The following ROBO1 variants were observed in gnomAD, a reference collection of about 807,000 sequenced individuals.
ROBO1 encodes roundabout guidance receptor 1.
A neutral mutation model predicts 195.9 loss-of-function variants in ROBO1; 149 were observed. That is an observed-to-expected ratio of 0.76 (90% CI 0.67 to 0.87). The LOEUF (loss-of-function observed/expected upper bound fraction) is 0.87, where lower values mean the gene tolerates loss of function less well. Among genes scored for constraint, ROBO1 ranks in the 40% least tolerant of loss-of-function variants. The probability of loss-of-function intolerance (pLI) is 0.00; values close to 1 mark genes in which losing one functional copy is unlikely to be tolerated. For missense variants in ROBO1, 1,933 were observed against 2,068.3 expected (o/e 0.93, Z 1.27); for synonymous variants, 816 against 733.2 (o/e 1.11, Z -1.82).
intron 2 of ROBO1, among the ~76,000 whole-genome samples, chr3:79,175,445 C>A (rs925095246): frequency 4.6e-5 from 7 of 152,138 alleles, no homozygotes; most frequent in Non-Finnish European, 1.5e-5. Flanking sequence ...TCTGCCTGGC[C>A]CCACCCTGCA....
intron 4 of ROBO1, among the ~76,000 whole-genome samples, chr3:78,751,736 G>T (rs1191738803): frequency 5.3e-5 from 8 of 152,034 alleles, no homozygotes; most frequent in Admixed American, 5.2e-4. Context: ...TACATTTTCA[G>T]AATAATATTG....
intron 3 of ROBO1, among the ~76,000 whole-genome samples, chr3:79,076,857 A>G (rs1559641949): frequency 6.6e-6 from 1 of 151,870 alleles, no homozygotes; most frequent in East Asian, 1.9e-4. Flanking sequence ...CAAGTTTTGT[A>G]TAGAGTGTTT....
chr3:79,398,212 C>T (rs888477260), intron 2 of ROBO1, among the ~76,000 whole-genome samples: 1 of 151,856 alleles, frequency 6.6e-6, no homozygotes, highest in Non-Finnish European at 1.5e-5. Context: ...CTTTGTTACC[C>T]TCAAAATAAA....
At chr3:79,329,608 T>C (rs2034349491) in intron 2 of ROBO1, among the ~76,000 whole-genome samples, 1 of 152,216 alleles carries the variant, frequency 6.6e-6, no homozygotes, top group Non-Finnish European at 1.5e-5. Context: ...CTTTGAAAAT[T>C]GTAAAGCACT....
intron 1 of ROBO1, among the ~76,000 whole-genome samples, chr3:79,732,017 C>T (rs1243783612): frequency 6.6e-6 from 1 of 151,914 alleles, no homozygotes; most frequent in Non-Finnish European, 1.5e-5. Flanking sequence ...CATGAATTTC[C>T]ACAAACCTAG....
At chr3:79,520,499 G>C (rs979392899) in intron 2 of ROBO1, among the ~76,000 whole-genome samples, 1 of 152,114 alleles carries the variant, frequency 6.6e-6, no homozygotes, top group Non-Finnish European at 1.5e-5. Context: ...ATCCAGATTT[G>C]TTCCTTCAGC....
intron 4 of ROBO1, among the ~76,000 whole-genome samples, chr3:78,814,296 AAATT>A (rs1382332403): frequency 6.6e-6 from 1 of 152,100 alleles, no homozygotes; most frequent in Non-Finnish European, 1.5e-5. Context: ...TAAAAAGTTG[AAATT>A]AATTTTATAT....
At chr3:79,701,884 C>A (rs1175056944) in intron 1 of ROBO1, among the ~76,000 whole-genome samples, 1 of 151,624 alleles carries the variant, frequency 6.6e-6, no homozygotes, top group East Asian at 1.9e-4. Context: ...TTAAGTTCAT[C>A]TTAAATTACC....
chr3:78,972,146 A>G (rs1263744396), intron 3 of ROBO1, among the ~76,000 whole-genome samples: 1 of 152,220 alleles, frequency 6.6e-6, no homozygotes, highest in Non-Finnish European at 1.5e-5. Flanking sequence ...GCCATTGGTC[A>G]TATGAGTTAA....
At chr3:79,243,003 G>T (rs1479194041) in intron 2 of ROBO1, among the ~76,000 whole-genome samples, 1 of 91,314 alleles carries the variant, frequency 1.1e-5, no homozygotes, top group Non-Finnish European at 2.0e-5. Context: ...CCCACAACAT[G>T]CCCTGGTGTG....
At chr3:78,783,140 GA>G (rs2108491439) in intron 4 of ROBO1, among the ~76,000 whole-genome samples, 1 of 152,096 alleles carries the variant, frequency 6.6e-6, no homozygotes, top group African/African-American at 2.4e-5. Flanking sequence ...TTGTTATGTG[GA>G]TATATTGCAA....
intron 1 of ROBO1, among the ~76,000 whole-genome samples, chr3:79,671,960 A>T (rs1290784290): frequency 1.3e-5 from 2 of 151,944 alleles, no homozygotes; most frequent in Non-Finnish European, 2.9e-5. Flanking sequence ...GCGAATTGCA[A>T]CCTAATCATG....
At chr3:79,570,369 G>T (rs375074573) in intron 2 of ROBO1, among the ~76,000 whole-genome samples, 16 of 151,358 alleles carry the variant, frequency 1.1e-4, no homozygotes, top group African/African-American at 2.9e-4. Context: ...TCAATTTTTT[G>T]ATCAGAATCA....
intron 2 of ROBO1, among the ~76,000 whole-genome samples, chr3:79,391,899 G>C (rs971013532): frequency 6.6e-6 from 1 of 152,106 alleles, no homozygotes; most frequent in Non-Finnish European, 1.5e-5. Context: ...GTTCCCAAAA[G>C]ACAAATCTAC....
intron 4 of ROBO1, among the ~76,000 whole-genome samples, chr3:78,831,279 A>G (rs1474889742): frequency 2.0e-5 from 3 of 152,140 alleles, no homozygotes; most frequent in Non-Finnish European, 4.4e-5. Flanking sequence ...TATAAACAAT[A>G]ATAATTACTT....
Position 79,178,874 on chromosome 3 carries a change from C to T in ROBO1, c.89-53335G>A, listed in dbSNP as rs533805413. 5.9e-5 allele frequency among the ~76,000 whole-genome samples: 9 copies of T among 152,256 alleles called. 1 individual carries two copies. The highest frequency in any genetic ancestry group is 6.8e-3 in the Middle Eastern group (2 of 294). Reference sequence around the variant, plus strand: ...TCAATCTCAAAATCTAAGACTATGGCATGCAGGCATAGTAAGACACTGTCT... The same window carrying T: ...TCAATCTCAAAATCTAAGACTATGGTATGCAGGCATAGTAAGACACTGTCT... On this transcript the variant is annotated intron_variant, in intron 2 of 30. Coordinates refer to ENST00000464233, the MANE Select transcript of ROBO1 (RefSeq NM_002941.4).
chr3:78,882,586 AT>A (rs1471683755), intron 4 of ROBO1, among the ~76,000 whole-genome samples: 2 of 152,068 alleles, frequency 1.3e-5, no homozygotes, highest in Admixed American at 6.6e-5. Flanking sequence ...CACCTCGGGG[AT>A]CATACATGTT....
At chr3:79,508,342 A>G (rs1373001324) in intron 2 of ROBO1, among the ~76,000 whole-genome samples, 1 of 152,190 alleles carries the variant, frequency 6.6e-6, no homozygotes, top group Non-Finnish European at 1.5e-5. Context: ...ATAGCTATCT[A>G]CAAACCAAAC....
chr3:79,553,375 T>A (rs917993131), intron 2 of ROBO1, among the ~76,000 whole-genome samples: 3 of 152,072 alleles, frequency 2.0e-5, no homozygotes, highest in Non-Finnish European at 4.4e-5. Flanking sequence ...ATACTGAATG[T>A]ATATCATTTC....
Sources: gnomAD v4.1 joint callset for allele counts (sites outside exome capture counted in the v4.1 genomes callset) on GRCh38, gnomAD v4.1.1 for gene constraint, MANE v1.5 for transcripts, NCBI Gene and HGNC (gene_info 2026-07-23, HGNC 2026-07-21) for gene names.